Variants in TMEM232 observed in about 807,000 individuals in gnomAD.
TMEM232 encodes transmembrane protein 232.
A neutral mutation model predicts 78.8 loss-of-function variants in TMEM232; 80 were observed. That is an observed-to-expected ratio of 1.01 (90% CI 0.85 to 1.22). TMEM232 has a LOEUF of 1.22. TMEM232 is among the 50% of genes most tolerant of loss of function. The pLI is 0.00. For synonymous variants in TMEM232, 297 were observed against 254.3 expected (o/e 1.17, Z -1.60); for missense variants, 881 against 742.2 (o/e 1.19, Z -2.17).
At chr5:110,734,476 C>CTATGACAA (rs1798973532) in intron 2 of TMEM232, among the ~76,000 whole-genome samples, 1 of 152,146 alleles carries the variant, frequency 6.6e-6, no homozygotes, top group Non-Finnish European at 1.5e-5. Flanking sequence ...CATCATGAGG[C>CTATGACAA]TATGACAAGG....
chr5:110,621,451 G>GA (rs1283950759), intron 7 of TMEM232, among the ~76,000 whole-genome samples: 2 of 151,894 alleles, frequency 1.3e-5, no homozygotes, highest in African/African-American at 4.8e-5. Context: ...ATAACAATTT[G>GA]AAAAATAATT....
chr5:110,587,433 CTATTAAAACTTGCAGA>C (rs1778947101), intron 10 of TMEM232, among the ~76,000 whole-genome samples: 1 of 151,896 alleles, frequency 6.6e-6, no homozygotes, highest in South Asian at 2.1e-4. Context: ...AGTACCGTGA[CTATTAAAACTTGCAGA>C]CATTAAAACA....
At chr5:110,425,635 C>A (rs541579140) in intron 12 of TMEM232, among the ~76,000 whole-genome samples, 26 of 152,146 alleles carry the variant, frequency 1.7e-4, no homozygotes, top group African/African-American at 6.3e-4. Context: ...TGACACCCGA[C>A]AGTCCCCTCA....
At chr5:110,672,781 C>G (rs1345383281) in intron 1 of TMEM232, among the ~76,000 whole-genome samples, 3 of 151,876 alleles carry the variant, frequency 2.0e-5, no homozygotes, top group African/African-American at 4.8e-5. Context: ...CCAGTAGATC[C>G]CAAAGCTTGG....
intron 12 of TMEM232, among the ~76,000 whole-genome samples, chr5:110,444,679 C>T (rs1759454514): frequency 6.6e-6 from 1 of 152,146 alleles, no homozygotes; most frequent in Non-Finnish European, 1.5e-5. Context: ...TCATTTGTTA[C>T]ATAGCATTGG....
At chr5:110,442,478 T>C (rs960973185) in intron 12 of TMEM232, among the ~76,000 whole-genome samples, 2 of 152,024 alleles carry the variant, frequency 1.3e-5, no homozygotes, top group Non-Finnish European at 2.9e-5. Context: ...AAAAAAATAA[T>C]TTCAATCTTT....
At chr5:110,673,948 C>T (rs1228341823) in intron 1 of TMEM232, among the ~76,000 whole-genome samples, 2 of 142,748 alleles carry the variant, frequency 1.4e-5, no homozygotes, top group Non-Finnish European at 3.0e-5. Flanking sequence ...TGATTATCTC[C>T]TTACACTGAA....
intron 12 of TMEM232, among the ~76,000 whole-genome samples, chr5:110,503,773 A>G (rs567994823): frequency 2.6e-5 from 4 of 152,148 alleles, no homozygotes; most frequent in Non-Finnish European, 5.9e-5. Flanking sequence ...ATTTGTAGTA[A>G]ATGTTTCTCC....
chr5:110,500,792 G>A (rs1766181780), intron 12 of TMEM232, among the ~76,000 whole-genome samples: 1 of 152,168 alleles, frequency 6.6e-6, no homozygotes, highest in Non-Finnish European at 1.5e-5. Flanking sequence ...TTACAATTCA[G>A]TATAGCAGAC....
intron 2 of TMEM232, among the ~76,000 whole-genome samples, chr5:110,411,624 C>T (rs1755998464): frequency 6.6e-6 from 1 of 152,148 alleles, no homozygotes; most frequent in African/African-American, 2.4e-5. Flanking sequence ...TCTCCTGAAA[C>T]CACCATTCTA....
chr5:110,695,224 G>C (rs1196333198), intron 1 of TMEM232, among the ~76,000 whole-genome samples: 1 of 152,102 alleles, frequency 6.6e-6, no homozygotes. Context: ...AAGAAATGAA[G>C]GCAGAAATAA....
chr5:110,651,363 A>G (rs1158872045), intron 2 of TMEM232, among the ~76,000 whole-genome samples: 1 of 151,910 alleles, frequency 6.6e-6, no homozygotes, highest in Non-Finnish European at 1.5e-5. Context: ...AGTTGAAATG[A>G]GAAAGAGACA....
intron 1 of TMEM232, among the ~76,000 whole-genome samples, chr5:110,707,684 C>T (rs1436121534): frequency 6.6e-6 from 1 of 152,206 alleles, no homozygotes; most frequent in Non-Finnish European, 1.5e-5. Context: ...ACCAGGGCAG[C>T]TAAAAGGAAT....
intron 12 of TMEM232, among the ~76,000 whole-genome samples, chr5:110,500,250 C>T (rs1490573794): frequency 8.7e-5 from 12 of 137,750 alleles, no homozygotes; most frequent in Non-Finnish European, 1.7e-4. Flanking sequence ...GACTGCGCCA[C>T]TGCACTCTAG....
chr5:110,563,046 A>G (rs1342414497), intron 11 of TMEM232, among the ~76,000 whole-genome samples: 1 of 152,034 alleles, frequency 6.6e-6, no homozygotes, highest in Non-Finnish European at 1.5e-5. Context: ...CTAAATCAAT[A>G]TAACTGCTTT....
chr5:110,656,844 A>C (rs1448396818), intron 2 of TMEM232, among the ~76,000 whole-genome samples: 1 of 152,038 alleles, frequency 6.6e-6, no homozygotes, highest in Non-Finnish European at 1.5e-5. Flanking sequence ...TCTCTAAAAA[A>C]AAAAAAGAAA....
intron 8 of TMEM232, among the ~76,000 whole-genome samples, chr5:110,617,648 A>G (rs1450001664): frequency 2.0e-5 from 3 of 152,068 alleles, no homozygotes; most frequent in Admixed American, 2.0e-4. Context: ...GAGGAAACTA[A>G]TATTTGTCAG....
At chr5:110,646,170 G>T (rs911339165) in intron 2 of TMEM232, among the ~76,000 whole-genome samples, 2 of 151,622 alleles carry the variant, frequency 1.3e-5, no homozygotes, top group African/African-American at 2.4e-5. Flanking sequence ...TACCCAAAGA[G>T]ATCTAAGACT....
chr5:110,459,310 A>T (rs1261711486), intron 12 of TMEM232, among the ~76,000 whole-genome samples: 1 of 152,144 alleles, frequency 6.6e-6, no homozygotes, highest in African/African-American at 2.4e-5. Flanking sequence ...TCTTTGATCA[A>T]TCAACAGATT....
Sources: allele counts gnomAD v4.1 joint callset (sites outside exome capture counted in the v4.1 genomes callset), GRCh38; gene constraint gnomAD v4.1.1; transcripts MANE v1.5; gene names NCBI Gene and HGNC (gene_info 2026-07-23, HGNC 2026-07-21).